FSCN1: variants seen among roughly 807,000 people sequenced by gnomAD.
The protein encoded by FSCN1 is fascin.
FSCN1 carries 10 observed loss-of-function variants against 39.7 expected under a neutral mutation model. The observed-to-expected ratio is 0.25, with a 90% CI of 0.16 to 0.43. The LOEUF (loss-of-function observed/expected upper bound fraction) is 0.43. Among genes scored for constraint, FSCN1 ranks in the 20% least tolerant of loss-of-function variants. The probability of loss-of-function intolerance (pLI) is 1.00; values close to 1 mark genes in which losing one functional copy is unlikely to be tolerated. For missense variants in FSCN1, 525 were observed against 723.8 expected (o/e 0.73, Z 3.15); for synonymous variants, 322 against 320.0 (o/e 1.01, Z -0.07).
At chr7:5,604,819 A>G (rs1479367378) in intron 4 of FSCN1, among the ~76,000 whole-genome samples, 2 of 151,904 alleles carry the variant, frequency 1.3e-5, no homozygotes, top group African/African-American at 4.8e-5. Context: ...TGTATTTTTC[A>G]TAGAGACGGG....
rs767234948 is a variant in FSCN1, at chr7:5,592,901, C to T, written c.-36C>T. ...GCCGCAGGGACCCGCCACCCACCTC[C>T]CGGGGCCGCGCAGCGGCCTCTCGTC... On this transcript the variant is annotated 5_prime_UTR_variant, in exon 1 of 5. Coordinates refer to ENST00000382361, the MANE Select transcript of FSCN1 (RefSeq NM_003088.4). The surrounding 1 kb of genome is among the most constrained non-coding windows in gnomAD (Gnocchi z 5.3). The T allele has an allele frequency of 7.3e-7, 1 of 1,362,060 alleles. No homozygotes were observed. The highest frequency in any genetic ancestry group is 1.5e-5 in the South Asian group (1 of 66,764). 84.4% of individuals were successfully genotyped at this position (1,362,060 alleles called of 1,614,324 possible).
rs374555702 is a variant in FSCN1, at chr7:5,593,530, C to A, written c.594C>A (p.His198Gln). ...VQTADHRFLR[H>Q]DGRLVARPEP... ...CCGCCGACCACCGCTTCCTGCGCCA[C>A]GACGGGCGCCTGGTGGCGCGCCCCG... The change falls in exon 1 of 5, where the codon CAC becomes CAA. Residue 198 changes from histidine to glutamine, a missense_variant. Transcript: ENST00000382361. The A allele has an allele frequency of 2.9e-5, 47 of 1,600,070 alleles. No homozygotes were observed. The highest frequency in any genetic ancestry group is 3.8e-5 in the Non-Finnish European group (45 of 1,176,778).
At position 5,599,375 on chromosome 7, in the gene FSCN1, C is replaced by T. The variant is rs1444392867; in HGVS notation, c.833-3882C>T. The stretch of plus-strand genomic sequence containing the variant: ...GGCCACCCACCTCCGGTCCAGAGAG[C>T]CAGCCAGACCCTTACTTTCTCTTGC... On this transcript the variant is annotated intron_variant, in intron 1 of 4. Transcript: ENST00000382361. The surrounding 1 kb of genome is among the most constrained non-coding windows in gnomAD (Gnocchi z 5.6). Among the ~76,000 whole-genome samples the T allele has an allele frequency of 6.6e-6, 1 of 152,170 alleles. No homozygotes were observed. The highest frequency in any genetic ancestry group is 2.4e-5 in the African/African-American group (1 of 41,434).
At chr7:5,597,882 A>G (rs1350606283) in intron 1 of FSCN1, among the ~76,000 whole-genome samples, 2 of 152,034 alleles carry the variant, frequency 1.3e-5, no homozygotes, top group Non-Finnish European at 2.9e-5. Context: ...GAGACTCTTA[A>G]TCTCCTGGCT....
rs1440601563 is a variant in FSCN1 at position 5,593,536 on chromosome 7, G to C, written c.600G>C (p.Gly200=). The change falls in exon 1 of 5, where the codon GGG becomes GGC. Residue 200 remains glycine, a synonymous_variant. Coordinates refer to ENST00000382361, the MANE Select transcript of FSCN1 (RefSeq NM_003088.4). ...ACCACCGCTTCCTGCGCCACGACGGGCGCCTGGTGGCGCGCCCCGAGCCGG... is the reference window on the plus strand; with the variant it reads ...ACCACCGCTTCCTGCGCCACGACGGCCGCCTGGTGGCGCGCCCCGAGCCGG... ...TADHRFLRHD[G]RLVARPEPAT... is the part of the protein sequence containing the mutation. 1 of 1,595,110 alleles carries C rather than the reference G, an allele frequency of 6.3e-7. No homozygotes were observed. Among genetic ancestry groups the C allele is most frequent in the Non-Finnish European group, 8.5e-7 (1 of 1,175,154 alleles).
chr7:5,594,619 C>T (rs1250910970), intron 1 of FSCN1: 1 of 152,066 alleles, frequency 6.6e-6, no homozygotes, highest in Non-Finnish European at 1.5e-5. Context: ...TCCCGAGGTT[C>T]CCCAGGAGGC....
rs1785796306 is a variant in FSCN1, at chr7:5,599,930, A to G, written c.833-3327A>G. 1.3e-5 allele frequency among the ~76,000 whole-genome samples: 2 copies of G among 152,106 alleles called. No homozygotes were observed. The highest frequency in any genetic ancestry group is 2.1e-4 in the South Asian group (1 of 4,826). On this transcript the variant is annotated intron_variant, in intron 1 of 4. Coordinates refer to ENST00000382361, the MANE Select transcript of FSCN1 (RefSeq NM_003088.4). The surrounding 1 kb of genome is among the most constrained non-coding windows in gnomAD (Gnocchi z 5.6). ...GGTCCCTGCAGCATCAAGGTGCCCA[A>G]ACGAAGACACTCTCCAGCTCTGAGC...
In FSCN1 at chr7:5,605,169, G is replaced by C; in HGVS notation, c.1280-103G>C. On this transcript the variant is annotated intron_variant, in intron 4 of 4. Coordinates refer to ENST00000382361, the MANE Select transcript of FSCN1 (RefSeq NM_003088.4). The surrounding 1 kb of genome is among the most constrained non-coding windows in gnomAD (Gnocchi z 6.9). ...GCTCATTCCGGAGCCGGGACTGGAGGGTGGGGCGTCACCCTTGGGAACACC... is the reference window on the plus strand; with the variant it reads ...GCTCATTCCGGAGCCGGGACTGGAGCGTGGGGCGTCACCCTTGGGAACACC... The C allele has an allele frequency of 1.2e-6, 1 of 803,806 alleles. No individual in the cohort carries two copies. Among genetic ancestry groups the C allele is most frequent in the Non-Finnish European group, 2.1e-6 (1 of 478,334 alleles). The allele number at this position is 803,806 out of a possible 1,614,324, so 49.8% of individuals were successfully genotyped here.
chr7:5,600,017 C>T (rs1227275321), intron 1 of FSCN1, among the ~76,000 whole-genome samples: 3 of 152,162 alleles, frequency 2.0e-5, no homozygotes, highest in African/African-American at 4.8e-5. Flanking sequence ...ATCCAGAGCG[C>T]GTGGGGAATG....
intron 1 of FSCN1, among the ~76,000 whole-genome samples, chr7:5,601,261 G>A (rs1051817607): frequency 1.4e-5 from 2 of 141,744 alleles, no homozygotes; most frequent in Non-Finnish European, 3.0e-5. Flanking sequence ...GGAGTGCAGT[G>A]GTGCAATCTC....
chr7:5,599,084 G>A lies in FSCN1; in HGVS notation c.833-4173G>A, dbSNP rs575348048. Among the ~76,000 whole-genome samples the A allele has an allele frequency of 6.6e-4, 99 of 150,604 alleles. 1 individual carries two copies. In the South Asian group the frequency reaches 0.02, roughly 30 times the overall value. Reference sequence around the variant, plus strand: ...TGAGTGAGCAGAGGCCCCAGCCCTCGTGTTCCCTGGGGTGTGGCCTTAGGA... The same window carrying A: ...TGAGTGAGCAGAGGCCCCAGCCCTCATGTTCCCTGGGGTGTGGCCTTAGGA... On this transcript the variant is annotated intron_variant, in intron 1 of 4. Transcript: ENST00000382361. This position sits in a 1 kb window ranked among gnomAD's most constrained non-coding sequence, Gnocchi z 5.6.
chr7:5,593,808 A>C (rs1785677670), intron 1 of FSCN1, 40 bp downstream of exon 1: 1 of 1,327,280 alleles, frequency 7.5e-7, no homozygotes, highest in East Asian at 2.6e-5. Flanking sequence ...TGGTCCGTGC[A>C]CAAAGCGCAC....
At chr7:5,598,269 A>G (rs554831868) in intron 1 of FSCN1, among the ~76,000 whole-genome samples, 1 of 152,364 alleles carries the variant, frequency 6.6e-6, no homozygotes, top group South Asian at 2.1e-4. Context: ...AAACCTTTGC[A>G]TCAAACCAGT....
In FSCN1 at chr7:5,603,280, G is replaced by A. The variant is rs1785867477; in HGVS notation, c.856G>A (p.Asp286Asn). The A allele has an allele frequency of 6.2e-7, 1 of 1,612,330 alleles. No individual in the cohort carries two copies. The highest frequency in any genetic ancestry group is 1.7e-5 in the Admixed American group (1 of 60,008). The change falls in exon 2 of 5, where the codon GAC (aspartate) becomes AAC (asparagine). Residue 286 changes from aspartate to asparagine, a missense_variant. Asp to Asn is a conservative substitution (Grantham distance 23). Transcript: ENST00000382361. The surrounding 1 kb of genome is among the most constrained non-coding windows in gnomAD (Gnocchi z 8.5). ...AGGTATGGACCTGTCTGCCAATCAG[G>A]ACGAGGAGACCGACCAGGAGACCTT... ...RQGMDLSANQ[D>N]EETDQETFQL...
At position 5,603,706 on chromosome 7, in the gene FSCN1, C is replaced by T; in HGVS notation, c.1111+89C>T. 1 of 1,572,426 alleles carries T rather than the reference C, an allele frequency of 6.4e-7. No homozygotes were observed. The highest frequency in any genetic ancestry group is 1.3e-5 in the African/African-American group (1 of 74,162). ...GGTCACTTGGTAGCCCCAGCCAAGG[C>T]CTGCTCTGTGCTGGGCATCCCCCCG... On this transcript the variant is annotated intron_variant, in intron 3 of 4. Transcript: ENST00000382361. The surrounding 1 kb of genome is among the most constrained non-coding windows in gnomAD (Gnocchi z 8.5).
rs1163006658 is a variant in FSCN1, at chr7:5,599,621, C to T, written c.833-3636C>T. Among the ~76,000 whole-genome samples the T allele has an allele frequency of 6.6e-6, 1 of 151,906 alleles. No individual in the cohort carries two copies. Among genetic ancestry groups the T allele is most frequent in the Non-Finnish European group, 1.5e-5 (1 of 67,950 alleles). ...GAGTCCTGGAGTTTGGGCAACATAG[C>T]GAGACCACCCCCATCTCTACAAAAT... is the stretch of plus-strand genomic sequence containing the variant. On this transcript the variant is annotated intron_variant, in intron 1 of 4. Transcript: ENST00000382361. This position sits in a 1 kb window ranked among gnomAD's most constrained non-coding sequence, Gnocchi z 5.6.
chr7:5,601,163 CAG>C (rs1785822861), intron 1 of FSCN1, among the ~76,000 whole-genome samples: 1 of 149,558 alleles, frequency 6.7e-6, no homozygotes, highest in Non-Finnish European at 1.5e-5. Flanking sequence ...AATCCAGAGA[CAG>C]AGGACATCTG....
At chr7:5,597,716 A>C (rs1335016997) in intron 1 of FSCN1, among the ~76,000 whole-genome samples, 1 of 151,260 alleles carries the variant, frequency 6.6e-6, no homozygotes, top group East Asian at 1.9e-4. Flanking sequence ...CAAACAAAAA[A>C]CTGTAATTAA....
chr7:5,603,834 G>C lies in FSCN1; in HGVS notation c.1112-29G>C. 6.2e-7 allele frequency: 1 copy of C among 1,604,928 alleles called. No homozygotes were observed. Among genetic ancestry groups the C allele is most frequent in the Non-Finnish European group, 8.5e-7 (1 of 1,174,122 alleles). On this transcript the variant is annotated intron_variant, in intron 3 of 4. Transcript: ENST00000382361. The surrounding 1 kb of genome is among the most constrained non-coding windows in gnomAD (Gnocchi z 8.5). ...CCTCCACCCCACTCCCTGCCAGGAGGCTCACTGACTCCCCTCTTTCTGGGA... is the reference window on the plus strand; with the variant it reads ...CCTCCACCCCACTCCCTGCCAGGAGCCTCACTGACTCCCCTCTTTCTGGGA...
Sources: gnomAD v4.1 joint callset for allele counts (sites outside exome capture counted in the v4.1 genomes callset) on GRCh38, gnomAD v4.1.1 for gene constraint, Gnocchi (gnomAD v3.1) non-coding constraint, MANE v1.5 for transcripts, NCBI Gene and HGNC (gene_info 2026-07-23, HGNC 2026-07-21) for gene names.